The following TMEM120B variants were observed in gnomAD, a reference collection of about 807,000 sequenced individuals.
TMEM120B encodes the protein transmembrane protein 120B.
In TMEM120B, 31 loss-of-function variants were observed where a neutral mutation model predicts 55.5. The ratio of observed to expected loss-of-function variants is 0.56; its 90% CI spans 0.42 to 0.75. TMEM120B has a LOEUF of 0.75. Among genes scored for constraint, TMEM120B ranks in the 30% least tolerant of loss-of-function variants. The pLI, the probability that TMEM120B is intolerant of heterozygous loss-of-function variation, is 0.00. For synonymous variants in TMEM120B, 203 were observed against 176.3 expected, an observed-to-expected ratio of 1.15 and a Z score of -1.20; for missense variants, 399 against 425.5, an observed-to-expected ratio of 0.94 and a Z score of 0.55.
rs778625720 is a variant in TMEM120B, at chr12:121,772,927, G to A, written c.680-494G>A. Among the ~76,000 whole-genome samples, 12 of 152,244 alleles carry A rather than the reference G, an allele frequency of 7.9e-5. No individual in the cohort carries two copies. In the South Asian group the frequency reaches 1.2e-3, roughly 16 times the overall value. On this transcript the variant is annotated intron_variant, in intron 8 of 11. Coordinates refer to ENST00000449592, the MANE Select transcript of TMEM120B (RefSeq NM_001080825.2). ...TACATTATGTATCTTTTACAAGTAT[G>A]GGACCTTTCTGTACATAGAGCTTTA...
chr12:121,752,266 C>T (rs368545131), intron 5 of TMEM120B, 43 bp downstream of exon 5: 142 of 1,557,282 alleles, frequency 9.1e-5, no homozygotes, highest in Admixed American at 4.9e-4. Context: ...GGCATGCAGA[C>T]GTCAGGTGGG....
intron 1 of TMEM120B, among the ~76,000 whole-genome samples, chr12:121,742,379 C>A (rs142313624): frequency 6.6e-6 from 1 of 152,008 alleles, no homozygotes; most frequent in Non-Finnish European, 1.5e-5. Context: ...TTGGACCATC[C>A]CCTTTTGCTC....
chr12:121,771,119 G>A, intron 7 of TMEM120B, 147 bp downstream of exon 7: 1 of 895,008 alleles, frequency 1.1e-6, no homozygotes, highest in Non-Finnish European at 1.7e-6. Flanking sequence ...AGCTGCGCCG[G>A]GCTGCGCGGG....
chr12:121,717,896 T>C (rs1234227966), intron 1 of TMEM120B, among the ~76,000 whole-genome samples: 1 of 152,172 alleles, frequency 6.6e-6, no homozygotes, highest in Non-Finnish European at 1.5e-5. Context: ...GACCTTGTGA[T>C]CCGCCTGCCT....
intron 5 of TMEM120B, among the ~76,000 whole-genome samples, chr12:121,755,981 C>T (rs1873465506): frequency 6.6e-6 from 1 of 152,020 alleles, no homozygotes; most frequent in South Asian, 2.1e-4. Flanking sequence ...AGTTGGAAGT[C>T]ATGCCGACAG....
chr12:121,779,061 G>T lies in TMEM120B; in HGVS notation c.*3339G>T. 5.9e-6 allele frequency: 1 copy of T among 169,112 alleles called. No individual in the cohort carries two copies. Among genetic ancestry groups the T allele is most frequent in the Non-Finnish European group, 1.3e-5 (1 of 77,218 alleles). The allele number at this position is 169,112 out of a possible 1,614,324, so 10.5% of individuals were successfully genotyped here. On this transcript the variant is annotated 3_prime_UTR_variant, in exon 12 of 12. Transcript: ENST00000449592. ...TGGGGGAAGGAAGGAAGGAGCTGGA[G>T]GATACAGTGGTGCCTATCTCGGGAG... is the stretch of plus-strand genomic sequence containing the variant.
At chr12:121,767,720 C>G (rs933970915) in intron 6 of TMEM120B, among the ~76,000 whole-genome samples, 1 of 152,166 alleles carries the variant, frequency 6.6e-6, no homozygotes, top group Non-Finnish European at 1.5e-5. Context: ...TGCAGATGGA[C>G]GCCTGGGCTT....
intron 1 of TMEM120B, among the ~76,000 whole-genome samples, chr12:121,714,139 G>T (rs1031588865): frequency 2.6e-5 from 4 of 152,136 alleles, no homozygotes; most frequent in Non-Finnish European, 4.4e-5. Context: ...GACACATCTC[G>T]ACCTGTCCAG....
In TMEM120B at chr12:121,775,620, G is replaced by T; in HGVS notation, c.918G>T (p.Leu306=). 6.2e-7 allele frequency: 1 copy of T among 1,613,782 alleles called. No homozygotes were observed. The highest frequency in any genetic ancestry group is 1.1e-5 in the South Asian group (1 of 91,066). The change falls in exon 12 of 12, where the codon CTG becomes CTT. Residue 306 remains leucine, a synonymous_variant. Coordinates refer to ENST00000449592, the MANE Select transcript of TMEM120B (RefSeq NM_001080825.2). The surrounding 1 kb of genome is among the most constrained non-coding windows in gnomAD (Gnocchi z 4.3). ...CTGGACTCCCCCAGGTGTTCGTACTGGCGTTCACCTTCCTCATCCTCTTCC... is the reference window on the plus strand; with the variant it reads ...CTGGACTCCCCCAGGTGTTCGTACTTGCGTTCACCTTCCTCATCCTCTTCC... ...EECREWQVFV[L]AFTFLILFLG...
intron 1 of TMEM120B, among the ~76,000 whole-genome samples, chr12:121,741,777 C>G (rs1468052053): frequency 6.6e-6 from 1 of 151,976 alleles, no homozygotes; most frequent in East Asian, 1.9e-4. Context: ...GGATTACAGG[C>G]GTGAGCCACC....
intron 5 of TMEM120B, among the ~76,000 whole-genome samples, chr12:121,753,221 A>G (rs1873382104): frequency 6.6e-6 from 1 of 152,306 alleles, no homozygotes; most frequent in East Asian, 1.9e-4. Context: ...AAAGATACAC[A>G]GTAGGATTCC....
intron 1 of TMEM120B, among the ~76,000 whole-genome samples, chr12:121,731,550 T>G (rs1895003140): frequency 6.6e-6 from 1 of 152,242 alleles, no homozygotes; most frequent in Non-Finnish European, 1.5e-5. Flanking sequence ...ACCACTGTGT[T>G]ACAGTCTGCT....
chr12:121,775,585 GC>G lies in TMEM120B; in HGVS notation c.907-21del, dbSNP rs771318115. ...TCAGCAGGGCAGATGCCCCAGCCTC[GC>G]CCTCCTCTCTGGACTCCCCCAGGTG... On this transcript the variant is annotated intron_variant, in intron 11 of 11. Transcript: ENST00000449592. The surrounding 1 kb of genome is among the most constrained non-coding windows in gnomAD (Gnocchi z 4.3). 1 of 1,603,842 alleles carries G rather than the reference GC, an allele frequency of 6.2e-7. No individual in the cohort carries two copies. The highest frequency in any genetic ancestry group is 1.3e-5 in the African/African-American group (1 of 74,728).
intron 1 of TMEM120B, among the ~76,000 whole-genome samples, chr12:121,717,782 C>T (rs1369638015): frequency 2.0e-5 from 3 of 152,140 alleles, no homozygotes; most frequent in Admixed American, 1.3e-4. Flanking sequence ...CTCAGCCTCC[C>T]GAGTAGCTGG....
rs1287800394 is a variant in TMEM120B at position 121,780,880 on chromosome 12, A to AG, written c.*5160dup. 18 of 1,613,344 alleles carry AG rather than the reference A, an allele frequency of 1.1e-5. No homozygotes were observed. The highest frequency in any genetic ancestry group is 1.5e-5 in the Non-Finnish European group (18 of 1,179,816). On this transcript the variant is annotated 3_prime_UTR_variant, in exon 12 of 12. Coordinates refer to ENST00000449592, the MANE Select transcript of TMEM120B (RefSeq NM_001080825.2). ...TCTTGGCCCCGGCCCACCTGCATGTAGGTGATGGGCTCCAGCTGGGCGGCC... is the reference window on the plus strand; with the variant it reads ...TCTTGGCCCCGGCCCACCTGCATGTAGGGTGATGGGCTCCAGCTGGGCGGCC...
At chr12:121,737,380 C>T (rs941099657) in intron 1 of TMEM120B, among the ~76,000 whole-genome samples, 7 of 152,138 alleles carry the variant, frequency 4.6e-5, no homozygotes, top group South Asian at 2.1e-4. Context: ...TTGCATGCAC[C>T]CTTAATCTCA....
intron 5 of TMEM120B, among the ~76,000 whole-genome samples, chr12:121,760,129 CAAAAAAAAAA>C (rs1006164597): frequency 4.2e-5 from 2 of 47,434 alleles, no homozygotes; most frequent in Non-Finnish European, 8.8e-5. Flanking sequence ...AACTACGTCT[CAAAAAAAAAA>C]AAAAAAAAAA....
chr12:121,729,255 G>C (rs1894952694), intron 1 of TMEM120B, among the ~76,000 whole-genome samples: 1 of 152,204 alleles, frequency 6.6e-6, no homozygotes, highest in African/African-American at 2.4e-5. Context: ...GCCTCCGTTG[G>C]CTCACCCTCT....
chr12:121,770,959 G>GTGA lies in TMEM120B; in HGVS notation c.607_609dup (p.Met203dup), dbSNP rs1486537922. The GTGA allele has an allele frequency of 1.2e-6, 2 of 1,614,084 alleles. No individual in the cohort carries two copies. The highest frequency in any genetic ancestry group is 3.3e-5 in the Admixed American group (2 of 60,026). On this transcript the variant is annotated inframe_insertion, in exon 7 of 12. Transcript: ENST00000449592. ...CTACGTCTCCACATTCCTGTCCGGA[G>GTGA]TGATGCTGACCTGGTGAGTAGCCCC...
Sources: gnomAD v4.1 joint callset for allele counts (sites outside exome capture counted in the v4.1 genomes callset) on GRCh38, gnomAD v4.1.1 for gene constraint, Gnocchi (gnomAD v3.1) non-coding constraint, MANE v1.5 for transcripts, NCBI Gene and HGNC (gene_info 2026-07-23, HGNC 2026-07-21) for gene names.